Variants in TENM4 observed in about 807,000 individuals in gnomAD.
The protein encoded by TENM4 is teneurin-4.
TENM4 carries 82 observed loss-of-function variants against 243.3 expected under a neutral mutation model. The ratio of observed to expected loss-of-function variants is 0.34; its 90% confidence interval spans 0.28 to 0.40. The LOEUF is 0.40. Among genes scored for constraint, TENM4 ranks in the 10% least tolerant of loss-of-function variants. The probability of loss-of-function intolerance (pLI) is 1.00; values close to 1 mark genes in which losing one functional copy is unlikely to be tolerated. For synonymous variants in TENM4, 1,412 were observed against 1,456.3 expected, an observed-to-expected ratio of 0.97 and a Z score of 0.69; for missense variants, 3,138 against 3,673.3, an observed-to-expected ratio of 0.85 and a Z score of 3.77.
At chr11:79,423,253 C>T (rs1858973871) in intron 1 of TENM4, among the ~76,000 whole-genome samples, 1 of 152,124 alleles carries the variant, frequency 6.6e-6, no homozygotes, top group African/African-American at 2.4e-5. Context: ...CCTATATTAT[C>T]TCCTGAAGCC....
rs577088750 is a variant in TENM4 at position 79,404,366 on chromosome 11, G to A, written c.-321+36143C>T. Among the ~76,000 whole-genome samples the A allele has an allele frequency of 2.6e-5, 4 of 152,254 alleles. 1 individual carries two copies. The highest frequency in any genetic ancestry group is 9.6e-5 in the African/African-American group (4 of 41,528). Reference sequence around the variant, plus strand: ...ATGAGCACAACTAAGAAAACATAAGGGTTAAATTTTATGTGTGGCTGCAGA... The same window carrying A: ...ATGAGCACAACTAAGAAAACATAAGAGTTAAATTTTATGTGTGGCTGCAGA... On this transcript the variant is annotated intron_variant, in intron 1 of 33. Transcript: ENST00000278550.
intron 12 of TENM4, among the ~76,000 whole-genome samples, chr11:78,846,785 G>A (rs1858404438): frequency 6.6e-6 from 1 of 152,304 alleles, no homozygotes; most frequent in Non-Finnish European, 1.5e-5. Context: ...ACAGTAAGAG[G>A]GGGTCTCAGT....
At chr11:78,828,217 T>A (rs1403623336) in intron 12 of TENM4, among the ~76,000 whole-genome samples, 1 of 152,226 alleles carries the variant, frequency 6.6e-6, no homozygotes, top group African/African-American at 2.4e-5. Context: ...TCCCTTTTTA[T>A]AAATTGTTTC....
At chr11:78,661,344 C>G in intron 33 of TENM4, 105 bp downstream of exon 33, 1 of 1,432,364 alleles carries the variant, frequency 7.0e-7, no homozygotes, top group Non-Finnish European at 9.4e-7. Context: ...GTGGAGGCAC[C>G]ACATTGGTGT....
chr11:79,332,861 T>C (rs117060041), intron 1 of TENM4, among the ~76,000 whole-genome samples: 2,659 of 152,226 alleles, frequency 0.017, 59 homozygotes, highest in Middle Eastern at 0.027. Context: ...GAGAGCAATG[T>C]GAATCATTTT....
chr11:79,196,564 G>C (rs767687867), intron 3 of TENM4, among the ~76,000 whole-genome samples: 1 of 152,068 alleles, frequency 6.6e-6, no homozygotes, highest in African/African-American at 2.4e-5. Context: ...GTCAGCCCCC[G>C]GCTGGTGCTG....
rs1857372041 is a variant in TENM4, at chr11:78,805,490, C to T, written c.1981G>A (p.Asp661Asn). Residue 661 changes from aspartate to asparagine, a missense_variant and splice_region_variant, in exon 15 of 34, where the codon GAC becomes AAC. Physicochemically the swap from Asp to Asn is conservative, Grantham distance 23. Transcript: ENST00000278550. ...GYKGESCEEV[D>N]CMDPTCSGRG... ...CCTGAACATGTGGGGTCCATGCAGT[C>T]CACTGTGAGATGGAGGAAGGAGAAC... 2 of 1,574,374 alleles carry T rather than the reference C, an allele frequency of 1.3e-6. No homozygotes were observed. The highest frequency in any genetic ancestry group is 1.4e-5 in the African/African-American group (1 of 73,962).
chr11:78,994,692 G>A (rs776927890), intron 6 of TENM4, among the ~76,000 whole-genome samples: 13 of 152,256 alleles, frequency 8.5e-5, no homozygotes, highest in South Asian at 2.1e-4. Flanking sequence ...ATGGAGAATC[G>A]GAAGAGTTGT....
chr11:79,185,739 C>T (rs12793069), intron 3 of TENM4, among the ~76,000 whole-genome samples: 13,688 of 152,172 alleles, frequency 0.09, 1,300 homozygotes, highest in East Asian at 0.41. Context: ...AAATCATAAA[C>T]CTTAGCAGTC....
intron 15 of TENM4, among the ~76,000 whole-genome samples, chr11:78,803,676 T>C (rs1857329612): frequency 6.6e-6 from 1 of 152,226 alleles, no homozygotes; most frequent in African/African-American, 2.4e-5. Flanking sequence ...AACTAAAGAA[T>C]ACTTAGTAAT....
chr11:79,170,638 A>G (rs1020448070), intron 3 of TENM4, among the ~76,000 whole-genome samples: 3 of 152,168 alleles, frequency 2.0e-5, no homozygotes, highest in Non-Finnish European at 4.4e-5. Flanking sequence ...CTATATACGA[A>G]GGAATGCCCA....
chr11:79,004,633 T>G (rs1858426772), intron 6 of TENM4, among the ~76,000 whole-genome samples: 1 of 151,932 alleles, frequency 6.6e-6, no homozygotes, highest in Non-Finnish European at 1.5e-5. Context: ...CGCTAAACAG[T>G]CACATCAAAA....
chr11:78,883,022 A>G (rs776468781), intron 9 of TENM4, among the ~76,000 whole-genome samples: 47 of 152,130 alleles, frequency 3.1e-4, no homozygotes, highest in Non-Finnish European at 1.5e-4. Context: ...CTGAGACTCC[A>G]CCCTTTATAT....
At chr11:79,162,019 T>G (rs1862757064) in intron 3 of TENM4, among the ~76,000 whole-genome samples, 1 of 152,168 alleles carries the variant, frequency 6.6e-6, no homozygotes, top group Non-Finnish European at 1.5e-5. Flanking sequence ...GAACCGGACC[T>G]GCCTCACCCA....
intron 4 of TENM4, among the ~76,000 whole-genome samples, chr11:79,128,579 A>T (rs1241078668): frequency 6.6e-6 from 1 of 152,208 alleles, no homozygotes; most frequent in Non-Finnish European, 1.5e-5. Flanking sequence ...AGTTGACAGA[A>T]GAAGAGAAGA....
At chr11:79,316,327 G>A (rs1856801618) in intron 1 of TENM4, among the ~76,000 whole-genome samples, 2 of 152,150 alleles carry the variant, frequency 1.3e-5, no homozygotes, top group Non-Finnish European at 2.9e-5. Flanking sequence ...ATATAAACAA[G>A]GCTGGTTTCG....
Position 79,175,973 on chromosome 11 carries a change from TC to T in TENM4, c.-162-27168del, listed in dbSNP as rs1211805754. Among the ~76,000 whole-genome samples, 11 of 152,102 alleles carry T rather than the reference TC, an allele frequency of 7.2e-5. No homozygotes were observed. In the South Asian group the frequency reaches 1.5e-3, roughly 20 times the overall value. On this transcript the variant is annotated intron_variant, in intron 3 of 33. Transcript: ENST00000278550. ...CACTAATGGTGGCACACACCTGTGG[TC>T]CCAGCTACTCGGGAGGAAGAGGTGG...
intron 4 of TENM4, among the ~76,000 whole-genome samples, chr11:79,133,876 C>T (rs1862060101): frequency 6.6e-6 from 1 of 152,032 alleles, no homozygotes; most frequent in South Asian, 2.1e-4. Flanking sequence ...TATGACAAAC[C>T]CACAGACAAC....
intron 3 of TENM4, among the ~76,000 whole-genome samples, chr11:79,165,907 A>G (rs1310367827): frequency 6.6e-6 from 1 of 152,118 alleles, no homozygotes; most frequent in Admixed American, 6.6e-5. Flanking sequence ...TCCTTTCCCC[A>G]CTTTATGTTG....
Sources: gnomAD v4.1 joint callset for allele counts (sites outside exome capture counted in the v4.1 genomes callset) on GRCh38, gnomAD v4.1.1 for gene constraint, MANE v1.5 for transcripts, NCBI Gene and HGNC (gene_info 2026-07-23, HGNC 2026-07-21) for gene names.